LIPM: variants seen among roughly 807,000 people sequenced by gnomAD.
LIPM encodes the protein lipase member M.
A neutral mutation model predicts 42.4 loss-of-function variants in LIPM; 42 were observed. The ratio of observed to expected loss-of-function variants is 0.99; its 90% CI spans 0.77 to 1.28. The LOEUF (loss-of-function observed/expected upper bound fraction) is 1.28, where lower values mean the gene tolerates loss of function less well. Ranked by LOEUF, LIPM falls within the 50% of genes most tolerant of loss-of-function variation. The probability of loss-of-function intolerance (pLI) is 0.00; values close to 1 mark genes in which losing one functional copy is unlikely to be tolerated. For synonymous variants in LIPM, 177 were observed against 173.3 expected (o/e 1.02, Z -0.17); for missense variants, 524 against 520.1 (o/e 1.01, Z -0.07).
intron 2 of LIPM, among the ~76,000 whole-genome samples, chr10:88,808,931 ATTTTAT>A (rs1843621330): frequency 7.6e-6 from 1 of 130,720 alleles, no homozygotes; most frequent in Non-Finnish European, 1.6e-5. Flanking sequence ...ATTTTATTTT[ATTTTAT>A]TTTATTTTAT....
rs1843704992 is a variant in LIPM at position 88,815,263 on chromosome 10, A to G, written c.711+39A>G. 5 of 1,547,170 alleles carry G rather than the reference A, an allele frequency of 3.2e-6. No homozygotes were observed. The African/African-American group carries it at 4.1e-5, about 13-fold the overall frequency. On this transcript the variant is annotated intron_variant, in intron 5 of 8. Transcript: ENST00000404743. ...CAGAAAACTTCCTGTGTACGTAGAA[A>G]AATCTTCCAGCCCAATTTCCTAAAA...
chr10:88,805,724 C>T lies in LIPM; in HGVS notation c.148-2574C>T, dbSNP rs139743066. On this transcript the variant is annotated intron_variant, in intron 1 of 8. Transcript: ENST00000404743. The stretch of plus-strand genomic sequence containing the variant: ...TCTACAACATCATTTCACCTTGCTG[C>T]ATTATGTTCCATTTTTTTAAATAAG... Among the ~76,000 whole-genome samples, 340 of 152,314 alleles carry T rather than the reference C, an allele frequency of 2.2e-3. 2 individuals are homozygous for T. The highest frequency in any genetic ancestry group is 7.3e-3 in the African/African-American group (303 of 41,562).
At chr10:88,817,774 G>T in intron 7 of LIPM, 51 bp from the exon 8 acceptor site, 3 of 1,288,796 alleles carry the variant, frequency 2.3e-6, no homozygotes, top group South Asian at 1.3e-5. Context: ...ACCCCACCAC[G>T]CTTATCCACT....
chr10:88,818,988 A>T (rs1843752739), intron 8 of LIPM, among the ~76,000 whole-genome samples: 1 of 152,066 alleles, frequency 6.6e-6, no homozygotes, highest in Admixed American at 6.6e-5. Context: ...CCTAGCTTTG[A>T]GCCATTCTCT....
At position 88,816,892 on chromosome 10, in the gene LIPM, G is replaced by A. The variant is rs1050175761; in HGVS notation, c.930+5G>A. On this transcript the variant is annotated splice_donor_5th_base_variant and intron_variant, in intron 7 of 8. Coordinates refer to ENST00000404743, the MANE Select transcript of LIPM (RefSeq NM_001128215.1). The stretch of plus-strand genomic sequence containing the variant: ...AATATTCTACACTGGAGCCAGGTAA[G>A]AATGTTGAATTTGCAGTCTTTGCTA... 1.3e-6 allele frequency: 2 copies of A among 1,549,890 alleles called. No individual in the cohort carries two copies.
rs1200210366 is a variant in LIPM, at chr10:88,817,899, A to G, written c.1002+3A>G. The G allele has an allele frequency of 1.9e-6, 3 of 1,548,712 alleles. No individual in the cohort carries two copies. The South Asian group carries it at 3.6e-5, about 18-fold the overall frequency. ...AAAATCTGGAAAAATGCAATCAGGTAAGAAAATCAAATACCATCTGCTGAA... is the reference window on the plus strand; with the variant it reads ...AAAATCTGGAAAAATGCAATCAGGTGAGAAAATCAAATACCATCTGCTGAA... On this transcript the variant is annotated splice_donor_region_variant and intron_variant, in intron 8 of 8. Coordinates refer to ENST00000404743, the MANE Select transcript of LIPM (RefSeq NM_001128215.1).
Position 88,813,298 on chromosome 10 carries a change from A to G in LIPM, c.464+3A>G, listed in dbSNP as rs1357240188. On this transcript the variant is annotated splice_donor_region_variant and intron_variant, in intron 3 of 8. Coordinates refer to ENST00000404743, the MANE Select transcript of LIPM (RefSeq NM_001128215.1). ...CAAGATGAGTTCTGGGCTTTCAGGT[A>G]TATGATAATCTCGAGAACAGAGGTA... The G allele has an allele frequency of 4.4e-6, 7 of 1,579,102 alleles. No homozygotes were observed. Among genetic ancestry groups the G allele is most frequent in the Middle Eastern group, 1.7e-4 (1 of 5,912 alleles).
At position 88,820,250 on chromosome 10, in the gene LIPM, A is replaced by G; in HGVS notation, c.1021A>G (p.Arg341Gly). The G allele has an allele frequency of 1.3e-6, 2 of 1,551,544 alleles. No homozygotes were observed. Among genetic ancestry groups the G allele is most frequent in the East Asian group, 2.4e-5 (1 of 40,924 alleles). The change falls in exon 9 of 9, where the codon AGA (arginine) becomes GGA (glycine). Residue 341 changes from arginine to glycine, a missense_variant. Arg to Gly is a moderately radical substitution (Grantham distance 125). Coordinates refer to ENST00000404743, the MANE Select transcript of LIPM (RefSeq NM_001128215.1). ...TCTCTAGCCAACTCCTGTAAGGTAC[A>G]GAGTCAGAGATATGACGGTCCCTAC... The part of the protein sequence containing the change: ...KCNQPTPVRY[R>G]VRDMTVPTAM...
At chr10:88,803,130 A>G (rs1358424988) in intron 1 of LIPM, 87 bp downstream of exon 1, 4 of 1,367,630 alleles carry the variant, frequency 2.9e-6, no homozygotes, top group Admixed American at 2.5e-5. Context: ...ATATTTATAC[A>G]TGGTGGTGAT....
intron 1 of LIPM, among the ~76,000 whole-genome samples, chr10:88,806,697 T>G (rs896770792): frequency 6.6e-6 from 1 of 152,112 alleles, no homozygotes; most frequent in Non-Finnish European, 1.5e-5. Flanking sequence ...TAAATTTTTT[T>G]TTCTTTGAGA....
At chr10:88,813,858 A>C (rs1053765062) in intron 3 of LIPM, among the ~76,000 whole-genome samples, 1 of 152,156 alleles carries the variant, frequency 6.6e-6, no homozygotes, top group African/African-American at 2.4e-5. Context: ...GCTGAGCAAA[A>C]GGGGGAAGAG....
chr10:88,805,672 AG>A (rs1254486880), intron 1 of LIPM, among the ~76,000 whole-genome samples: 4 of 152,222 alleles, frequency 2.6e-5, no homozygotes, highest in African/African-American at 9.6e-5. Context: ...TATATCATGA[AG>A]AATTTCCCAA....
chr10:88,809,522 T>C (rs539288856), intron 2 of LIPM, among the ~76,000 whole-genome samples: 2 of 152,340 alleles, frequency 1.3e-5, no homozygotes, highest in East Asian at 3.9e-4. Flanking sequence ...GCTTTATTTG[T>C]ATTAGTCTCA....
chr10:88,817,450 G>T (rs889886421), intron 7 of LIPM, among the ~76,000 whole-genome samples: 9 of 152,106 alleles, frequency 5.9e-5, no homozygotes, highest in South Asian at 4.1e-4. Flanking sequence ...AACCAGAGAA[G>T]AATTATAAGT....
chr10:88,815,172 A>G lies in LIPM; in HGVS notation c.659A>G (p.His220Arg), dbSNP rs1446166742. The change falls in exon 5 of 9, where the codon CAT (histidine) becomes CGT (arginine). Residue 220 changes from histidine to arginine, a missense_variant. By Grantham distance (29) the His-to-Arg change is conservative. Transcript: ENST00000404743. ...TTAGCACCCATAGCCACTGTTAAGC[A>G]TGCAAAAAGCCCCGGGACCAAATTT... ...FALAPIATVK[H>R]AKSPGTKFLL... is the part of the protein sequence containing the mutation. 10 of 1,552,010 alleles carry G rather than the reference A, an allele frequency of 6.4e-6. No individual in the cohort carries two copies. The East Asian group carries it at 2.4e-4, about 38-fold the overall frequency.
intron 2 of LIPM, among the ~76,000 whole-genome samples, chr10:88,810,972 A>G (rs1267241398): frequency 6.6e-6 from 1 of 152,200 alleles, no homozygotes; most frequent in African/African-American, 2.4e-5. Flanking sequence ...TTAGATTTTC[A>G]AGGAAAATCT....
At chr10:88,803,748 T>C (rs1387820614) in intron 1 of LIPM, among the ~76,000 whole-genome samples, 1 of 152,068 alleles carries the variant, frequency 6.6e-6, no homozygotes, top group African/African-American at 2.4e-5. Flanking sequence ...TATTTCAATT[T>C]CATTGCCCTG....
chr10:88,803,000 A>G lies in LIPM; in HGVS notation c.104A>G (p.His35Arg), dbSNP rs1167965357. ...TTCCAGAGAAATGTGAATTCAGTAC[A>G]TATGCCAACTAAAGCTGTGGACCCA... is the stretch of plus-strand genomic sequence containing the variant. ...YMFQRNVNSV[H>R]MPTKAVDPEA... is the part of the protein sequence containing the mutation. Residue 35 changes from histidine (H) to arginine (R), a missense_variant, in exon 1 of 9, where the codon CAT (histidine) becomes CGT (arginine). By Grantham distance (29) the His-to-Arg change is conservative (BLOSUM62 0). Transcript: ENST00000404743. The G allele has an allele frequency of 3.9e-6, 6 of 1,551,458 alleles. 1 individual carries two copies. Among genetic ancestry groups the G allele is most frequent in the South Asian group, 2.4e-5 (2 of 83,988 alleles).
At chr10:88,820,130 C>A in intron 8 of LIPM, 102 bp from the exon 9 acceptor site, 1 of 968,168 alleles carries the variant, frequency 1.0e-6, no homozygotes, top group Non-Finnish European at 1.5e-6. Flanking sequence ...ATGTACCCTT[C>A]ACCACAACAG....
Sources: allele counts gnomAD v4.1 joint callset (sites outside exome capture counted in the v4.1 genomes callset), GRCh38; gene constraint gnomAD v4.1.1; transcripts MANE v1.5; gene names NCBI Gene and HGNC (gene_info 2026-07-23, HGNC 2026-07-21).